ANO1: variants seen among roughly 807,000 people sequenced by gnomAD.
The protein encoded by ANO1 is anoctamin-1.
Under a neutral mutation model 124.0 loss-of-function variants are expected in ANO1, and 59 were observed. The ratio of observed to expected loss-of-function variants is 0.48; its 90% CI spans 0.39 to 0.59. ANO1 has a LOEUF of 0.59. ANO1 is among the 20% of genes least tolerant of loss of function. The probability of loss-of-function intolerance (pLI) is 0.00; values close to 1 mark genes in which losing one functional copy is unlikely to be tolerated. For missense variants in ANO1, 1,059 were observed against 1,328.0 expected, an observed-to-expected ratio of 0.80 and a Z score of 3.15; for synonymous variants, 529 against 532.0, an observed-to-expected ratio of 0.99 and a Z score of 0.08.
At chr11:70,085,157 G>A (rs962030302) in intron 1 of ANO1, among the ~76,000 whole-genome samples, 4 of 152,278 alleles carry the variant, frequency 2.6e-5, no homozygotes, top group East Asian at 1.9e-4. Context: ...CCTCCTTGGC[G>A]AATTGAGAAG....
At chr11:70,103,023 T>G in intron 2 of ANO1, 43 bp from the exon 3 acceptor site, 2 of 1,361,508 alleles carry the variant, frequency 1.5e-6, no homozygotes, top group South Asian at 1.3e-5. Flanking sequence ...TCCACAGAGA[T>G]GCACCGCCCC....
intron 11 of ANO1, among the ~76,000 whole-genome samples, chr11:70,146,646 A>G (rs2047390040): frequency 6.6e-6 from 1 of 152,186 alleles, no homozygotes; most frequent in African/African-American, 2.4e-5. Flanking sequence ...CTGCAAGTGG[A>G]GGAGAAGGGA....
the ANO1 span, among the ~76,000 whole-genome samples, chr11:69,976,531 AAAAAAAAAAAAAAAAAAAAAAAAG>A: frequency 9.8e-3 from 230 of 23,434 alleles, 4 homozygotes; most frequent in African/African-American, 0.016. Flanking sequence ...AAAAAAAAAA[AAAAAAAAAAAAAAAAAAAAAAAAG>A]AGAGAGAGAG....
the ANO1 span, among the ~76,000 whole-genome samples, chr11:69,971,486 C>G: frequency 6.6e-6 from 1 of 152,124 alleles, no homozygotes; most frequent in African/African-American, 2.4e-5. Context: ...TGCTTTTGCT[C>G]TCTTCTTTAA....
In ANO1 at chr11:70,130,819, C is replaced by T. The variant is rs1171991906; in HGVS notation, c.1098-1100C>T. Among the ~76,000 whole-genome samples the T allele has an allele frequency of 3.3e-5, 5 of 152,200 alleles. No homozygotes were observed. The East Asian group carries it at 9.6e-4, about 29-fold the overall frequency. On this transcript the variant is annotated intron_variant, in intron 10 of 25. Transcript: ENST00000355303. ...CCTACAGGGTGGGCCTCCGCTGCAC[C>T]GGGCAGCTGGGGACCTATTCCTTCC... is the stretch of plus-strand genomic sequence containing the variant.
chr11:69,993,946 G>A (rs184879282), intron 1 of ANO1, among the ~76,000 whole-genome samples: 43 of 152,246 alleles, frequency 2.8e-4, no homozygotes, highest in African/African-American at 9.4e-4. Context: ...TCTGCAATGC[G>A]GCACAGGCCC....
At chr11:70,042,402 T>A (rs1857196289) in intron 1 of ANO1, among the ~76,000 whole-genome samples, 1 of 152,026 alleles carries the variant, frequency 6.6e-6, no homozygotes, top group Non-Finnish European at 1.5e-5. Context: ...ACAAAAAGAT[T>A]AGAGTTCAAG....
chr11:70,159,812 G>A (rs764477513), intron 16 of ANO1, among the ~76,000 whole-genome samples: 23 of 152,214 alleles, frequency 1.5e-4, no homozygotes, highest in Non-Finnish European at 2.9e-4. Flanking sequence ...TGGCAGGACC[G>A]AGGGGTTTTC....
chr11:70,167,123 A>G, intron 20 of ANO1, 119 bp from the exon 21 acceptor site: 1 of 1,326,760 alleles, frequency 7.5e-7, no homozygotes, highest in Non-Finnish European at 1.0e-6. Context: ...CTCCAGCCTG[A>G]GCAAAAAGAG....
intron 18 of ANO1, among the ~76,000 whole-genome samples, chr11:70,162,002 C>T (rs975343049): frequency 2.5e-4 from 37 of 150,000 alleles, no homozygotes; most frequent in African/African-American, 8.1e-4. Flanking sequence ...GGAGTGAGGG[C>T]CCTGGGCAGT....
chr11:70,163,782 C>CA (rs1187723275), intron 19 of ANO1, among the ~76,000 whole-genome samples: 5 of 151,736 alleles, frequency 3.3e-5, no homozygotes, highest in Non-Finnish European at 4.4e-5. Context: ...ACTAAAAACG[C>CA]AAAAAATTAG....
At position 70,034,895 on chromosome 11, in the gene ANO1, C is replaced by T. The variant is rs531209849; in HGVS notation, c.59-43647C>T. ...TGAACAGAGCCCAGCAGGGACTCTG[C>T]TTAGTCAATATTTGCTGTATTGACA... On this transcript the variant is annotated intron_variant, in intron 1 of 27. Coordinates refer to the ANO1 transcript ENST00000531349. Among the ~76,000 whole-genome samples the T allele has an allele frequency of 9.9e-5, 15 of 152,118 alleles. 1 individual carries two copies. In the South Asian group the frequency reaches 2.9e-3, roughly 30 times the overall value.
chr11:70,169,075 C>T (rs909697318), intron 21 of ANO1, among the ~76,000 whole-genome samples: 1 of 152,182 alleles, frequency 6.6e-6, no homozygotes, highest in Non-Finnish European at 1.5e-5. Context: ...AGGTGGCTTC[C>T]CCTGCCTGCA....
chr11:70,018,536 C>G (rs888944304), intron 1 of ANO1, among the ~76,000 whole-genome samples: 1 of 152,142 alleles, frequency 6.6e-6, no homozygotes, highest in Non-Finnish European at 1.5e-5. Flanking sequence ...CCACTGCACT[C>G]TCTGTGCCTG....
At chr11:69,982,638 AC>A (rs544163790), upstream of ANO1, among the ~76,000 whole-genome samples, 4 of 152,140 alleles carry the variant, frequency 2.6e-5, no homozygotes, top group African/African-American at 9.6e-5. Context: ...AGATGCACAA[AC>A]CCGGGTGCTG....
chr11:70,121,080 C>A (rs1289845918), intron 8 of ANO1, among the ~76,000 whole-genome samples: 1 of 152,158 alleles, frequency 6.6e-6, no homozygotes, highest in African/African-American at 2.4e-5. Flanking sequence ...CCCCTCCACA[C>A]GTCTGTCAGA....
intron 1 of ANO1, among the ~76,000 whole-genome samples, chr11:70,052,531 CTTTTTTTTTTTTTTTT>C (rs200770702): frequency 1.4e-4 from 9 of 65,920 alleles, no homozygotes; most frequent in African/African-American, 3.4e-4. Context: ...TTTTTCTTTT[CTTTTTTTTTTTTTTTT>C]TTTTTTTTTT....
intron 2 of ANO1, among the ~76,000 whole-genome samples, chr11:70,091,320 A>G (rs549020771): frequency 6.6e-6 from 1 of 152,278 alleles, no homozygotes; most frequent in East Asian, 1.9e-4. Flanking sequence ...GGCTTATGTG[A>G]GCTTTCCTGG....
chr11:70,111,245 T>C (rs1468328912), intron 6 of ANO1: 1 of 463,574 alleles, frequency 2.2e-6, no homozygotes, highest in African/African-American at 2.0e-5. Context: ...TAATTCCAAA[T>C]TGTATGTGTG....
Sources: gnomAD v4.1 joint callset for allele counts (sites outside exome capture counted in the v4.1 genomes callset) on GRCh38, gnomAD v4.1.1 for gene constraint, MANE v1.5 for transcripts, NCBI Gene and HGNC (gene_info 2026-07-23, HGNC 2026-07-21) for gene names.